Variants in PLCXD3 observed in about 807,000 individuals in gnomAD.
PLCXD3 encodes the protein PI-PLC X domain-containing protein 3.
A neutral mutation model predicts 25.5 loss-of-function variants in PLCXD3; 19 were observed. That is an observed-to-expected ratio of 0.75 (90% CI 0.52 to 1.09). The LOEUF is 1.09. Among genes scored for constraint, PLCXD3 ranks in the 50% least tolerant of loss-of-function variants. The pLI, the probability that PLCXD3 is intolerant of heterozygous loss-of-function variation, is 0.00. For missense variants in PLCXD3, 411 were observed against 388.1 expected, an observed-to-expected ratio of 1.06 and a Z score of -0.50; for synonymous variants, 174 against 137.6, an observed-to-expected ratio of 1.26 and a Z score of -1.85.
chr5:41,353,772 A>G (rs1744540159), intron 2 of PLCXD3, among the ~76,000 whole-genome samples: 1 of 152,144 alleles, frequency 6.6e-6, no homozygotes, highest in Non-Finnish European at 1.5e-5. Context: ...AGTTTGTTCT[A>G]GTTGGAGACT....
intron 1 of PLCXD3, among the ~76,000 whole-genome samples, chr5:41,491,150 G>A (rs1362260606): frequency 2.0e-5 from 3 of 152,132 alleles, no homozygotes; most frequent in African/African-American, 7.2e-5. Context: ...GTTCTCATTG[G>A]TTTCAAAGAA....
intron 1 of PLCXD3, among the ~76,000 whole-genome samples, chr5:41,408,735 G>A (rs906691010): frequency 2.0e-5 from 3 of 152,060 alleles, no homozygotes; most frequent in South Asian, 2.1e-4. Flanking sequence ...ATAAGAATAC[G>A]GTGTCGCATA....
Position 41,341,312 on chromosome 5 carries a change from A to G in PLCXD3, c.813-27542T>C, listed in dbSNP as rs182720031. ...GCTTCCTAGCTGACTCTGCGAAGTC[A>G]TTCTTGAAACCAAGACTGTGACTCC... On this transcript the variant is annotated intron_variant, in intron 2 of 2. Coordinates refer to ENST00000377801, the MANE Select transcript of PLCXD3 (RefSeq NM_001005473.3). Among the ~76,000 whole-genome samples, 368 of 152,316 alleles carry G rather than the reference A, an allele frequency of 2.4e-3. 2 individuals carry two copies. Among genetic ancestry groups the G allele is most frequent in the African/African-American group, 7.8e-3 (326 of 41,570 alleles).
At chr5:41,328,494 G>C (rs1328958482) in intron 2 of PLCXD3, among the ~76,000 whole-genome samples, 1 of 152,220 alleles carries the variant, frequency 6.6e-6, no homozygotes, top group Non-Finnish European at 1.5e-5. Context: ...GAATGGCTTT[G>C]TTTCCTGGGC....
intron 1 of PLCXD3, among the ~76,000 whole-genome samples, chr5:41,458,999 T>G (rs577822840): frequency 1.3e-5 from 2 of 152,096 alleles, no homozygotes; most frequent in African/African-American, 4.8e-5. Flanking sequence ...GCATGTTTTA[T>G]TTAGACATTC....
Position 41,382,332 on chromosome 5 carries a change from C to T in PLCXD3, c.306G>A (p.Lys102=), listed in dbSNP as rs745813431. ...AGAGTTCATTGTCGGGGTCTCTGGG[C>T]TTGGTGGAAATTCGAAGATCAAAAT... is the stretch of plus-strand genomic sequence containing the variant. ...IRYFDLRIST[K]PRDPDNELYF... is the part of the protein sequence containing the mutation. The change falls in exon 2 of 3, where the codon AAG becomes AAA. Residue 102 remains lysine, a synonymous_variant. Coordinates refer to ENST00000377801, the MANE Select transcript of PLCXD3 (RefSeq NM_001005473.3). 2 of 1,613,552 alleles carry T rather than the reference C, an allele frequency of 1.2e-6. No homozygotes were observed. The highest frequency in any genetic ancestry group is 3.3e-5 in the Admixed American group (2 of 59,914).
intron 2 of PLCXD3, among the ~76,000 whole-genome samples, chr5:41,369,233 A>G (rs1745023145): frequency 6.6e-6 from 1 of 152,164 alleles, no homozygotes; most frequent in Non-Finnish European, 1.5e-5. Flanking sequence ...GAGACAAGAA[A>G]AAACTAAGTT....
chr5:41,326,811 A>T (rs1743640747), intron 2 of PLCXD3, among the ~76,000 whole-genome samples: 1 of 152,124 alleles, frequency 6.6e-6, no homozygotes, highest in Non-Finnish European at 1.5e-5. Context: ...TGCCCATTAA[A>T]ATATCATATT....
rs1743023773 is a variant in PLCXD3, at chr5:41,307,055, C to A, written c.*6562G>T. On this transcript the variant is annotated 3_prime_UTR_variant, in exon 3 of 3. Transcript: ENST00000377801. Reference sequence around the variant, plus strand: ...ATTTAAAAAATTCACATTTTCTATACAGACTGTAGCCATGGATTTTCTTTA... The same window carrying A: ...ATTTAAAAAATTCACATTTTCTATAAAGACTGTAGCCATGGATTTTCTTTA... 3 of 152,698 alleles carry A rather than the reference C, an allele frequency of 2.0e-5. No individual in the cohort carries two copies. Among genetic ancestry groups the A allele is most frequent in the Middle Eastern group, 6.8e-3 (2 of 294 alleles). The allele number at this position is 152,698 out of a possible 1,614,324, so 9.5% of individuals were successfully genotyped here.
rs549085784 is a variant in PLCXD3 at position 41,503,415 on chromosome 5, G to C, written c.103+7009C>G. Among the ~76,000 whole-genome samples the C allele has an allele frequency of 3.9e-5, 6 of 152,226 alleles. No individual in the cohort carries two copies. In the East Asian group the frequency reaches 1.2e-3, roughly 29 times the overall value. ...TCGCATTTAAGATAGAGTGTTGTAA[G>C]AGCTGTCCACTTCCAGGATCTGTAA... On this transcript the variant is annotated intron_variant, in intron 1 of 2. Transcript: ENST00000377801.
At chr5:41,369,163 C>T (rs77739822) in intron 2 of PLCXD3, among the ~76,000 whole-genome samples, 13 of 152,198 alleles carry the variant, frequency 8.5e-5, no homozygotes, top group African/African-American at 1.2e-4. Context: ...TGCTTGTGAA[C>T]GGCAGTAGAG....
chr5:41,440,116 T>C (rs1272710532), intron 1 of PLCXD3, among the ~76,000 whole-genome samples: 1 of 151,680 alleles, frequency 6.6e-6, no homozygotes, highest in Non-Finnish European at 1.5e-5. Context: ...GTCCCTAGAT[T>C]CAGGAGCCAG....
At chr5:41,413,821 TA>T (rs775832577) in intron 1 of PLCXD3, among the ~76,000 whole-genome samples, 32 of 151,724 alleles carry the variant, frequency 2.1e-4, no homozygotes, top group Admixed American at 7.2e-4. Flanking sequence ...AACTAGAGTT[TA>T]AAAAAAAATT....
intron 1 of PLCXD3, among the ~76,000 whole-genome samples, chr5:41,423,224 G>C (rs555061653): frequency 6.6e-6 from 1 of 151,862 alleles, no homozygotes; most frequent in Non-Finnish European, 1.5e-5. Flanking sequence ...ATGAAAAATG[G>C]GTTATATGTT....
chr5:41,493,331 G>C, intron 1 of PLCXD3, among the ~76,000 whole-genome samples: 1 of 152,208 alleles, frequency 6.6e-6, no homozygotes, highest in Non-Finnish European at 1.5e-5. Context: ...TGAGGTGTCA[G>C]TCTGCCCCTA....
intron 1 of PLCXD3, among the ~76,000 whole-genome samples, chr5:41,410,275 G>A (rs1746479118): frequency 1.3e-5 from 2 of 151,870 alleles, no homozygotes. Context: ...GAGTAGCTGG[G>A]ACTACAGGCG....
chr5:41,324,186 G>A lies in PLCXD3; in HGVS notation c.813-10416C>T, dbSNP rs77380315. Among the ~76,000 whole-genome samples the A allele has an allele frequency of 6.4e-3, 972 of 152,256 alleles. 18 individuals are homozygous for A. The highest frequency in any genetic ancestry group is 0.022 in the African/African-American group (908 of 41,546). Reference sequence around the variant, plus strand: ...GATGCAGAAGTAGGAGGAAAATCAGGAGCATATAGTGTCATGAAAATCAAG... The same window carrying A: ...GATGCAGAAGTAGGAGGAAAATCAGAAGCATATAGTGTCATGAAAATCAAG... On this transcript the variant is annotated intron_variant, in intron 2 of 2. Transcript: ENST00000377801.
intron 1 of PLCXD3, among the ~76,000 whole-genome samples, chr5:41,433,625 G>A (rs555338680): frequency 2.5e-4 from 38 of 152,200 alleles, no homozygotes; most frequent in African/African-American, 8.9e-4. Context: ...CTGAGCCCTT[G>A]GTGCCAAAGT....
intron 1 of PLCXD3, among the ~76,000 whole-genome samples, chr5:41,398,971 A>C (rs917516692): frequency 2.6e-5 from 4 of 152,222 alleles, no homozygotes; most frequent in African/African-American, 9.6e-5. Context: ...TCAGAGAACA[A>C]CTATTAGAAC....
Sources: gnomAD v4.1 joint callset for allele counts (sites outside exome capture counted in the v4.1 genomes callset) on GRCh38, gnomAD v4.1.1 for gene constraint, MANE v1.5 for transcripts, NCBI Gene and HGNC (gene_info 2026-07-23, HGNC 2026-07-21) for gene names.